The following CDC42BPB variants were observed in gnomAD, a reference collection of about 807,000 sequenced individuals.
The protein encoded by CDC42BPB is CDC42 binding protein kinase beta.
In CDC42BPB, 37 loss-of-function variants were observed where a neutral mutation model predicts 214.9. That is an observed-to-expected ratio of 0.17 (90% confidence interval 0.13 to 0.23). The LOEUF (loss-of-function observed/expected upper bound fraction) is 0.23, where lower values mean the gene tolerates loss of function less well. Ranked by LOEUF, CDC42BPB falls within the 10% of genes least tolerant of loss-of-function variation. CDC42BPB has a pLI of 1.00. For synonymous variants in CDC42BPB, 931 were observed against 884.0 expected, an observed-to-expected ratio of 1.05 and a Z score of -0.94; for missense variants, 1,694 against 2,227.0, an observed-to-expected ratio of 0.76 and a Z score of 4.82.
At chr14:103,025,612 G>A (rs569899731) in intron 1 of CDC42BPB, among the ~76,000 whole-genome samples, 8 of 151,832 alleles carry the variant, frequency 5.3e-5, no homozygotes, top group South Asian at 4.2e-4. Flanking sequence ...GAGGTCAGAC[G>A]TTCAAGACTA....
At chr14:102,968,792 T>C in intron 14 of CDC42BPB, 76 bp from the exon 15 acceptor site, 1 of 1,571,386 alleles carries the variant, frequency 6.4e-7, no homozygotes, top group Non-Finnish European at 8.6e-7. Flanking sequence ...ACCCCTTTCA[T>C]CCCAAGCAAG....
intron 14 of CDC42BPB, among the ~76,000 whole-genome samples, chr14:102,969,630 C>T (rs1474986927): frequency 6.6e-6 from 1 of 152,222 alleles, no homozygotes. Flanking sequence ...CCACGCCATA[C>T]TGCCAAGGAG....
At chr14:102,999,510 G>C (rs540288924) in intron 5 of CDC42BPB, 55 bp downstream of exon 5, 31 of 1,582,382 alleles carry the variant, frequency 2.0e-5, no homozygotes, top group Admixed American at 1.2e-4. Flanking sequence ...AGCTCTGAAA[G>C]GAGTCTTTTA....
intron 30 of CDC42BPB, among the ~76,000 whole-genome samples, chr14:102,942,117 C>T (rs1418218401): frequency 6.6e-6 from 1 of 152,190 alleles, no homozygotes; most frequent in Non-Finnish European, 1.5e-5. Context: ...TGCTGGCTGC[C>T]TATGAAGAGG....
Position 103,004,772 on chromosome 14 carries a change from G to C in CDC42BPB, c.352-749C>G, listed in dbSNP as rs34824325. On this transcript the variant is annotated intron_variant, in intron 3 of 36. Coordinates refer to ENST00000361246, the MANE Select transcript of CDC42BPB (RefSeq NM_006035.4). This position sits in a 1 kb window ranked among gnomAD's most constrained non-coding sequence, Gnocchi z 5.3. ...TAATCCCAGCTACATGGGAGGCTGA[G>C]GGGGGAGAACTGCTTGAGCCCAGGA... is the stretch of plus-strand genomic sequence containing the variant. Among the ~76,000 whole-genome samples, 3 of 152,244 alleles carry C rather than the reference G, an allele frequency of 2.0e-5. No homozygotes were observed. In the South Asian group the frequency reaches 6.2e-4, roughly 32 times the overall value.
At chr14:103,037,077 C>T (rs1276357088) in intron 1 of CDC42BPB, among the ~76,000 whole-genome samples, 1 of 150,538 alleles carries the variant, frequency 6.6e-6, no homozygotes, top group East Asian at 1.9e-4. Context: ...TGAGCCACCA[C>T]GTCTGGCCAT....
At position 102,979,932 on chromosome 14, in the gene CDC42BPB, G is replaced by A. The variant is rs533903869; in HGVS notation, c.1140+841C>T. 5.3e-5 allele frequency among the ~76,000 whole-genome samples: 8 copies of A among 152,274 alleles called. No individual in the cohort carries two copies. In the East Asian group the frequency reaches 7.7e-4, roughly 15 times the overall value. On this transcript the variant is annotated intron_variant, in intron 8 of 36. Coordinates refer to ENST00000361246, the MANE Select transcript of CDC42BPB (RefSeq NM_006035.4). The stretch of plus-strand genomic sequence containing the variant: ...AAATCCTGATCTTAAACATCAGTGC[G>A]GAGACTCAAAATCTGCTATTATCAT...
At position 103,021,979 on chromosome 14, in the gene CDC42BPB, C is replaced by T. The variant is rs531008225; in HGVS notation, c.176-9791G>A. Among the ~76,000 whole-genome samples the T allele has an allele frequency of 5.9e-5, 9 of 152,280 alleles. No individual in the cohort carries two copies. The East Asian group carries it at 9.6e-4, about 16-fold the overall frequency. ...GCCTGCATGGGAAGGCTGACAGAGGCTGGTGGGCTGAGTGGCAGGGAAGCA... is the reference window on the plus strand; with the variant it reads ...GCCTGCATGGGAAGGCTGACAGAGGTTGGTGGGCTGAGTGGCAGGGAAGCA... On this transcript the variant is annotated intron_variant, in intron 1 of 36. Coordinates refer to ENST00000361246, the MANE Select transcript of CDC42BPB (RefSeq NM_006035.4).
At chr14:102,988,689 T>C (rs766101604) in intron 5 of CDC42BPB, among the ~76,000 whole-genome samples, 85 of 152,074 alleles carry the variant, frequency 5.6e-4, no homozygotes, top group Non-Finnish European at 7.9e-4. Flanking sequence ...GGGGTAAAGA[T>C]AGACTTAAAT....
At chr14:103,048,532 CAAAA>C (rs71119751) in intron 1 of CDC42BPB, among the ~76,000 whole-genome samples, 8 of 42,656 alleles carry the variant, frequency 1.9e-4, no homozygotes, top group East Asian at 8.9e-4. Context: ...ACTAAAAATA[CAAAA>C]AAAAAAAAAA....
rs1294874109 is a variant in CDC42BPB at position 102,975,745 on chromosome 14, G to A, written c.1446C>T (p.Asn482=). 2.5e-6 allele frequency: 4 copies of A among 1,614,002 alleles called. No homozygotes were observed. The Admixed American group carries it at 5.0e-5, about 20-fold the overall frequency. The change falls in exon 11 of 37, where the codon AAC becomes AAT. Residue 482 remains asparagine, a synonymous_variant. Coordinates refer to ENST00000361246, the MANE Select transcript of CDC42BPB (RefSeq NM_006035.4). ...HGSSRALSNS[N]RDKEIKKLNE... is the part of the protein sequence containing the mutation. The stretch of plus-strand genomic sequence containing the variant: ...TTAGCTTTTTGATTTCTTTATCTCG[G>A]TTTGAATTGCTGAGGGCCCGAGATG...
At position 102,963,314 on chromosome 14, in the gene CDC42BPB, G is replaced by A. The variant is rs532546985; in HGVS notation, c.2727-159C>T. ...TGGGCCTTTCTACTGCAAACACCAT[G>A]AACAGTACGAATATTTCAAATATAA... On this transcript the variant is annotated intron_variant, in intron 19 of 36. Transcript: ENST00000361246. 2.3e-5 allele frequency: 23 copies of A among 980,268 alleles called. No individual in the cohort carries two copies. The African/African-American group carries it at 3.3e-4, about 14-fold the overall frequency. The allele number at this position is 980,268 out of a possible 1,614,324, so 60.7% of individuals were successfully genotyped here.
At chr14:102,960,695 G>A (rs1892919385) in intron 20 of CDC42BPB, among the ~76,000 whole-genome samples, 1 of 152,116 alleles carries the variant, frequency 6.6e-6, no homozygotes, top group African/African-American at 2.4e-5. Context: ...TCCAGAAACA[G>A]ACCCAAGCCC....
rs71119749 is a variant in CDC42BPB at position 102,974,281 on chromosome 14, T to TACACACACACACACAC, written c.1508-148_1508-133dup. The TACACACACACACACAC allele has an allele frequency of 1.5e-4, 198 of 1,316,130 alleles. No homozygotes were observed. The African/African-American group carries it at 2.5e-3, about 17-fold the overall frequency. The allele number at this position is 1,316,130 out of a possible 1,614,324, so 81.5% of individuals were successfully genotyped here. The stretch of plus-strand genomic sequence containing the variant: ...TTTTTCATTCAGAGGTTTTTTTACT[T>TACACACACACACACAC]ACACACACACACACACACACACACA... On this transcript the variant is annotated intron_variant, in intron 11 of 36. Transcript: ENST00000361246.
intron 11 of CDC42BPB, among the ~76,000 whole-genome samples, chr14:102,974,683 C>A (rs977390492): frequency 2.0e-5 from 3 of 152,212 alleles, no homozygotes; most frequent in Non-Finnish European, 4.4e-5. Context: ...CCAGGCCAGG[C>A]GCAGCGGCTC....
chr14:102,942,710 A>G (rs1891953094), intron 30 of CDC42BPB, among the ~76,000 whole-genome samples: 1 of 151,760 alleles, frequency 6.6e-6, no homozygotes, highest in African/African-American at 2.4e-5. Context: ...GTGCCTGGCT[A>G]GTTTGTTTGT....
Position 102,932,875 on chromosome 14 carries a change from T to TGA in CDC42BPB, c.*836_*837insTC, listed in dbSNP as rs1891448733. 3.3e-5 allele frequency: 2 copies of TGA among 60,586 alleles called. No individual in the cohort carries two copies. Among genetic ancestry groups the TGA allele is most frequent in the African/African-American group, 9.3e-5 (1 of 10,736 alleles). The allele number at this position is 60,586 out of a possible 1,614,324, so 3.8% of individuals were successfully genotyped here. Reference sequence around the variant, plus strand: ...GGGCTCCATGCGGGGGCAGGACTGGTGGGGGGGGGGGCGGGCAGGGCGGGG... The same window carrying TGA: ...GGGCTCCATGCGGGGGCAGGACTGGTGAGGGGGGGGGGGCGGGCAGGGCGGGG... On this transcript the variant is annotated 3_prime_UTR_variant, in exon 37 of 37. Coordinates refer to ENST00000361246, the MANE Select transcript of CDC42BPB (RefSeq NM_006035.4).
intron 34 of CDC42BPB, among the ~76,000 whole-genome samples, chr14:102,939,359 T>A (rs1364378134): frequency 6.6e-6 from 1 of 152,214 alleles, no homozygotes; most frequent in Non-Finnish European, 1.5e-5. Context: ...CGAAACGTGG[T>A]GGACTCTCAC....
At chr14:103,013,320 CGTCT>C (rs1886263637) in intron 1 of CDC42BPB, among the ~76,000 whole-genome samples, 1 of 152,200 alleles carries the variant, frequency 6.6e-6, no homozygotes, top group Admixed American at 6.5e-5. Flanking sequence ...GGTCCTGTGG[CGTCT>C]GTAACAGTAA....
Sources: allele counts gnomAD v4.1 joint callset (sites outside exome capture counted in the v4.1 genomes callset), GRCh38; gene constraint gnomAD v4.1.1; non-coding constraint Gnocchi (gnomAD v3.1); transcripts MANE v1.5; gene names NCBI Gene and HGNC (gene_info 2026-07-23, HGNC 2026-07-21).